PEAK1: variants seen among roughly 807,000 people sequenced by gnomAD.
PEAK1 encodes inactive tyrosine-protein kinase PEAK1.
In PEAK1, 54 loss-of-function variants were observed where a neutral mutation model predicts 124.7. The observed-to-expected ratio is 0.43, with a 90% confidence interval of 0.35 to 0.54. PEAK1 has a LOEUF of 0.54. Among genes scored for constraint, PEAK1 ranks in the 20% least tolerant of loss-of-function variants. The probability of loss-of-function intolerance (pLI) is 0.01; values close to 1 mark genes in which losing one functional copy is unlikely to be tolerated. For synonymous variants in PEAK1, 719 were observed against 760.0 expected, an observed-to-expected ratio of 0.95 and a Z score of 0.89; for missense variants, 2,046 against 2,134.5, an observed-to-expected ratio of 0.96 and a Z score of 0.82.
chr15:77,298,624 A>G (rs1372571943), intron 2 of PEAK1, among the ~76,000 whole-genome samples: 1 of 152,128 alleles, frequency 6.6e-6, no homozygotes, highest in Non-Finnish European at 1.5e-5. Context: ...ATGGTGCTTT[A>G]AAGATTATCC....
chr15:77,178,534 G>T, intron 7 of PEAK1: 1 of 474,994 alleles, frequency 2.1e-6, no homozygotes, highest in Non-Finnish European at 3.7e-6. Context: ...GCTTTTCTAT[G>T]CTAAAGTTCC....
Position 77,179,473 on chromosome 15 carries a change from T to C in PEAK1, c.2454A>G (p.Lys818=), listed in dbSNP as rs764068217. 6.2e-7 allele frequency: 1 copy of C among 1,613,944 alleles called. No homozygotes were observed. The stretch of plus-strand genomic sequence containing the variant: ...CACTAGGCTGAGATGTAAAGAGAGA[T>C]TTGGGCCGGACTGGCGTACTCTTAG... ...STPKSTPVRP[K]SLFTSQPSGE... is the part of the protein sequence containing the mutation. The change falls in exon 7 of 10, where the codon AAA becomes AAG. Residue 818 remains lysine, a synonymous_variant. Transcript: ENST00000682557.
At chr15:77,215,741 T>C (rs1489170825) in intron 6 of PEAK1, among the ~76,000 whole-genome samples, 2 of 152,184 alleles carry the variant, frequency 1.3e-5, no homozygotes, top group African/African-American at 2.4e-5. Flanking sequence ...TGATTATCTT[T>C]TTCTTTTTTT....
At chr15:77,348,926 C>T in intron 2 of PEAK1, 3 of 949,176 alleles carry the variant, frequency 3.2e-6, no homozygotes, top group Non-Finnish European at 3.8e-6. Context: ...ATAGGCATGA[C>T]TTACCATGTA....
intron 2 of PEAK1, chr15:77,349,382 A>G (rs777558007): frequency 1.0e-6 from 1 of 983,226 alleles, no homozygotes; most frequent in Non-Finnish European, 1.2e-6. Flanking sequence ...AAAGACATAA[A>G]TGTTTCCATG....
chr15:77,345,805 T>G, intron 2 of PEAK1: 2 of 633,454 alleles, frequency 3.2e-6, no homozygotes, highest in Non-Finnish European at 3.9e-6. Flanking sequence ...ATTACCCTGA[T>G]TTGATCTTTA....
At chr15:77,158,302 C>A in intron 8 of PEAK1, 1 of 564,366 alleles carries the variant, frequency 1.8e-6, no homozygotes, top group Admixed American at 3.0e-5. Context: ...GCACTTGGCA[C>A]AGGGCTCATG....
chr15:77,144,875 GT>G (rs955340120), intron 8 of PEAK1, among the ~76,000 whole-genome samples: 1 of 152,120 alleles, frequency 6.6e-6, no homozygotes, highest in African/African-American at 2.4e-5. Context: ...TATCTTAGCT[GT>G]TTTTATTTTA....
rs147454185 is a variant in PEAK1 at position 77,393,382 on chromosome 15, C to T, written c.-666+26624G>A. Among the ~76,000 whole-genome samples the T allele has an allele frequency of 2.3e-3, 351 of 152,288 alleles. 1 individual carries two copies. Among genetic ancestry groups the T allele is most frequent in the Non-Finnish European group, 4.0e-3 (271 of 68,024 alleles). ...CTTGCAGTTTGGGGAGAGGCTCCTT[C>T]CCTCCTTTTGAGAAGAAAGGGAAGA... On this transcript the variant is annotated intron_variant, in intron 1 of 9. Transcript: ENST00000682557.
At chr15:77,257,938 C>T (rs1178620435) in intron 5 of PEAK1, among the ~76,000 whole-genome samples, 1 of 152,154 alleles carries the variant, frequency 6.6e-6, no homozygotes, top group Non-Finnish European at 1.5e-5. Flanking sequence ...TTTCAGCTTT[C>T]TACATATAGC....
At chr15:77,334,049 G>A (rs2066048949) in intron 2 of PEAK1, 1 of 692,892 alleles carries the variant, frequency 1.4e-6, no homozygotes, top group Admixed American at 6.3e-5. Flanking sequence ...TTTAATCTCT[G>A]TACTTATTCA....
At chr15:77,164,905 CTTTT>C (rs978671775) in intron 7 of PEAK1, among the ~76,000 whole-genome samples, 3 of 142,490 alleles carry the variant, frequency 2.1e-5, no homozygotes, top group Non-Finnish European at 1.5e-5. Flanking sequence ...GGCTTTCTTT[CTTTT>C]TTTTTTTTTT....
chr15:77,151,415 T>C (rs2054613552), intron 8 of PEAK1, among the ~76,000 whole-genome samples: 1 of 152,230 alleles, frequency 6.6e-6, no homozygotes, highest in Non-Finnish European at 1.5e-5. Flanking sequence ...TATTAGCCCT[T>C]TGTCAGATGA....
At chr15:77,333,812 A>G in intron 2 of PEAK1, 1 of 784,574 alleles carries the variant, frequency 1.3e-6, no homozygotes, top group Non-Finnish European at 1.5e-6. Flanking sequence ...CAGATTTATA[A>G]AAATCTTCTA....
chr15:77,285,591 A>T (rs957302489), intron 3 of PEAK1, among the ~76,000 whole-genome samples: 44 of 152,198 alleles, frequency 2.9e-4, no homozygotes, highest in Non-Finnish European at 6.2e-4. Context: ...AGAGCTTCTG[A>T]CCTCAAGCAA....
intron 2 of PEAK1, among the ~76,000 whole-genome samples, chr15:77,343,314 T>A (rs955385214): frequency 6.6e-6 from 1 of 152,160 alleles, no homozygotes; most frequent in African/African-American, 2.4e-5. Flanking sequence ...ATTGTTTGGT[T>A]TTTTGTAGTT....
At chr15:77,289,592 T>C (rs950335385) in intron 2 of PEAK1, among the ~76,000 whole-genome samples, 2 of 152,156 alleles carry the variant, frequency 1.3e-5, no homozygotes, top group South Asian at 2.1e-4. Context: ...TCCCAGCACT[T>C]TGGGAGGCCG....
chr15:77,160,874 G>GGTTGGT (rs1269090828), intron 7 of PEAK1, among the ~76,000 whole-genome samples: 2 of 152,072 alleles, frequency 1.3e-5, no homozygotes, highest in African/African-American at 4.8e-5. Flanking sequence ...TGTCAAAAAG[G>GGTTGGT]GTTGGTGAAG....
At chr15:77,336,240 A>C in intron 2 of PEAK1, 3 of 985,382 alleles carry the variant, frequency 3.0e-6, no homozygotes, top group Non-Finnish European at 3.6e-6. Flanking sequence ...CAAGAACCAC[A>C]ATGGGCACAA....
Sources: allele counts gnomAD v4.1 joint callset (sites outside exome capture counted in the v4.1 genomes callset), GRCh38; gene constraint gnomAD v4.1.1; transcripts MANE v1.5; gene names NCBI Gene and HGNC (gene_info 2026-07-23, HGNC 2026-07-21).